SMYD3: variants seen among roughly 807,000 people sequenced by gnomAD.
The protein encoded by SMYD3 is SET and MYND domain containing 3.
Under a neutral mutation model 57.7 loss-of-function variants are expected in SMYD3, and 36 were observed. The observed-to-expected ratio is 0.62, with a 90% CI of 0.48 to 0.82. The LOEUF is 0.82. Ranked by LOEUF, SMYD3 falls within the 40% of genes least tolerant of loss-of-function variation. SMYD3 has a pLI of 0.00. For synonymous variants in SMYD3, 211 were observed against 195.0 expected (o/e 1.08, Z -0.68); for missense variants, 515 against 538.8 (o/e 0.96, Z 0.44).
intron 1 of SMYD3, among the ~76,000 whole-genome samples, chr1:246,459,217 G>A (rs534825954): frequency 6.7e-6 from 1 of 150,276 alleles, no homozygotes; most frequent in Non-Finnish European, 1.5e-5. Context: ...ATTTGAAAGT[G>A]TGTGACACGT....
chr1:245,961,951 C>T (rs138063311), intron 5 of SMYD3, among the ~76,000 whole-genome samples: 21 of 152,266 alleles, frequency 1.4e-4, no homozygotes, highest in African/African-American at 4.8e-4. Context: ...GAACTGATTT[C>T]GCTGATTTCC....
intron 8 of SMYD3, among the ~76,000 whole-genome samples, chr1:245,908,237 A>G (rs2054715847): frequency 7.1e-6 from 1 of 140,556 alleles, no homozygotes; most frequent in South Asian, 2.5e-4. Context: ...ACATTAAGTC[A>G]AAAAACAAAG....
At chr1:246,289,627 C>T (rs1024468060) in intron 5 of SMYD3, among the ~76,000 whole-genome samples, 41 of 152,214 alleles carry the variant, frequency 2.7e-4, no homozygotes, top group African/African-American at 9.9e-4. Context: ...CTACCACTCA[C>T]TGACACTGAT....
At chr1:245,958,132 ATC>A (rs977815105) in intron 5 of SMYD3, among the ~76,000 whole-genome samples, 1 of 152,152 alleles carries the variant, frequency 6.6e-6, no homozygotes, top group African/African-American at 2.4e-5. Context: ...AGAAGCTACT[ATC>A]ACCCTCATTT....
chr1:245,864,561 G>A (rs981898087), intron 8 of SMYD3, among the ~76,000 whole-genome samples: 3 of 152,172 alleles, frequency 2.0e-5, no homozygotes, highest in African/African-American at 7.2e-5. Flanking sequence ...CCCAGAAGAG[G>A]CAAATCCACA....
chr1:246,391,884 C>G (rs2066578618), intron 1 of SMYD3, among the ~76,000 whole-genome samples: 1 of 152,154 alleles, frequency 6.6e-6, no homozygotes, highest in Non-Finnish European at 1.5e-5. Context: ...TCTCATCTTA[C>G]CCCGAACATT....
At chr1:246,488,479 G>A (rs2068221452) in intron 1 of SMYD3, among the ~76,000 whole-genome samples, 2 of 152,184 alleles carry the variant, frequency 1.3e-5, no homozygotes, top group South Asian at 4.1e-4. Flanking sequence ...CTGAGGTCTG[G>A]AGTTCAAGAC....
At chr1:246,099,980 C>T (rs116778785) in intron 5 of SMYD3, among the ~76,000 whole-genome samples, 42 of 152,284 alleles carry the variant, frequency 2.8e-4, no homozygotes, top group African/African-American at 9.4e-4. Context: ...AAATTCTATT[C>T]ATCTTCGGAA....
intron 5 of SMYD3, among the ~76,000 whole-genome samples, chr1:246,193,352 T>C (rs200332575): frequency 6.6e-6 from 1 of 152,176 alleles, no homozygotes; most frequent in Non-Finnish European, 1.5e-5. Context: ...AAAAGACTTG[T>C]CCATAAAAAG....
At chr1:246,119,065 G>A (rs2061383646) in intron 5 of SMYD3, among the ~76,000 whole-genome samples, 1 of 152,058 alleles carries the variant, frequency 6.6e-6, no homozygotes, top group Admixed American at 6.6e-5. Context: ...CTGTTGCCCA[G>A]GCTAGAGAGC....
rs112917369 is a variant in SMYD3 at position 245,889,121 on chromosome 1, T to C, written c.814-25235A>G. On this transcript the variant is annotated intron_variant, in intron 8 of 11. Transcript: ENST00000490107. ...TGGAACTTTGTGTGGCAGAGACCTATAGAACTCCAAAGTTAGGTAAGGTCA... is the reference window on the plus strand; with the variant it reads ...TGGAACTTTGTGTGGCAGAGACCTACAGAACTCCAAAGTTAGGTAAGGTCA... Among the ~76,000 whole-genome samples the C allele has an allele frequency of 3.4e-3, 512 of 152,264 alleles. 4 individuals carry two copies. The highest frequency in any genetic ancestry group is 0.012 in the African/African-American group (487 of 41,538).
chr1:245,806,885 C>A (rs1191629130), intron 10 of SMYD3, among the ~76,000 whole-genome samples: 1 of 124,888 alleles, frequency 8.0e-6, no homozygotes, highest in Non-Finnish European at 1.6e-5. Flanking sequence ...AGTCCGCAAT[C>A]CGGCCTGGGC....
At chr1:246,408,044 C>T (rs1363459904) in intron 1 of SMYD3, among the ~76,000 whole-genome samples, 2 of 151,696 alleles carry the variant, frequency 1.3e-5, no homozygotes, top group Non-Finnish European at 2.9e-5. Flanking sequence ...GGGAAGTCAG[C>T]TCCCTTGGGC....
intron 5 of SMYD3, among the ~76,000 whole-genome samples, chr1:246,092,768 T>C (rs11584758): frequency 2.6e-4 from 39 of 151,976 alleles, no homozygotes; most frequent in Non-Finnish European, 4.7e-4. Flanking sequence ...TGAGATTATA[T>C]CAAGCTAAAA....
chr1:246,301,291 A>G (rs2064888513), intron 5 of SMYD3, among the ~76,000 whole-genome samples: 1 of 152,176 alleles, frequency 6.6e-6, no homozygotes, highest in Non-Finnish European at 1.5e-5. Context: ...ACATTTATTA[A>G]GCAATTCACT....
intron 5 of SMYD3, among the ~76,000 whole-genome samples, chr1:246,110,180 T>G (rs987199028): frequency 6.6e-6 from 1 of 152,158 alleles, no homozygotes; most frequent in Non-Finnish European, 1.5e-5. Context: ...GAGTAAGGGG[T>G]GCACATCTAG....
At chr1:246,491,526 G>C (rs1035712138) in intron 1 of SMYD3, among the ~76,000 whole-genome samples, 1 of 147,394 alleles carries the variant, frequency 6.8e-6, no homozygotes, top group Admixed American at 6.8e-5. Context: ...GGCAACAAGA[G>C]CGAAACTTCG....
intron 5 of SMYD3, among the ~76,000 whole-genome samples, chr1:245,999,278 CACAGAATAATA>C (rs1485308671): frequency 6.6e-6 from 1 of 151,726 alleles, no homozygotes; most frequent in Non-Finnish European, 1.5e-5. Context: ...GCAAAAAGCA[CACAGAATAATA>C]ACATTAGCAA....
At chr1:246,032,099 T>C (rs574861833) in intron 5 of SMYD3, among the ~76,000 whole-genome samples, 3 of 152,208 alleles carry the variant, frequency 2.0e-5, no homozygotes, top group East Asian at 3.9e-4. Flanking sequence ...ATAAACAAAA[T>C]ACCAAGAACT....
Sources: gnomAD v4.1 joint callset for allele counts (sites outside exome capture counted in the v4.1 genomes callset) on GRCh38, gnomAD v4.1.1 for gene constraint, MANE v1.5 for transcripts, NCBI Gene and HGNC (gene_info 2026-07-23, HGNC 2026-07-21) for gene names.